Variants in LCOR observed in about 807,000 individuals in gnomAD.
LCOR encodes ligand-dependent corepressor.
A neutral mutation model predicts 64.4 loss-of-function variants in LCOR; 14 were observed. That is an observed-to-expected ratio of 0.22 (90% CI 0.14 to 0.34). The LOEUF (loss-of-function observed/expected upper bound fraction) is 0.34, where lower values mean the gene tolerates loss of function less well. Among genes scored for constraint, LCOR ranks in the 10% least tolerant of loss-of-function variants. The probability of loss-of-function intolerance (pLI) is 1.00; values close to 1 mark genes in which losing one functional copy is unlikely to be tolerated. For missense variants in LCOR, 1,686 were observed against 1,765.3 expected (o/e 0.96, Z 0.80); for synonymous variants, 643 against 642.5 (o/e 1.00, Z -0.01).
rs573147612 is a variant in LCOR at position 96,905,929 on chromosome 10, C to T, written c.-329-1336C>T. Among the ~76,000 whole-genome samples, 24 of 152,208 alleles carry T rather than the reference C, an allele frequency of 1.6e-4. No individual in the cohort carries two copies. In the South Asian group the frequency reaches 4.8e-3, roughly 30 times the overall value. ...TGGCTTAATACCAAGGCAAAGAAAT[C>T]CCTTACATTACCATCTTCTTCTTCT... On this transcript the variant is annotated intron_variant, in intron 2 of 7. Coordinates refer to ENST00000421806, the MANE Select transcript of LCOR (RefSeq NM_001346516.2).
chr10:96,878,845 T>G (rs757961994), intron 2 of LCOR, among the ~76,000 whole-genome samples: 7 of 152,124 alleles, frequency 4.6e-5, no homozygotes, highest in Non-Finnish European at 7.3e-5. Context: ...CAAGCTGTAG[T>G]GCAGCGATGC....
At chr10:96,877,598 ATTTTTTTTTTT>A (rs57119025) in intron 2 of LCOR, among the ~76,000 whole-genome samples, 28 of 65,682 alleles carry the variant, frequency 4.3e-4, no homozygotes, top group African/African-American at 1.3e-3. Context: ...ATTTTTCTGA[ATTTTTTTTTTT>A]TTTTTTTTTT....
chr10:96,914,917 G>A (rs1846911557), intron 4 of LCOR, among the ~76,000 whole-genome samples: 1 of 152,184 alleles, frequency 6.6e-6, no homozygotes, highest in African/African-American at 2.4e-5. Context: ...AATTATTGGG[G>A]GTCAGGTCCC....
In LCOR at chr10:96,934,021, C is replaced by T. The variant is rs956417792; in HGVS notation, c.-183-10092C>T. Reference sequence around the variant, plus strand: ...CATATTTTTCTGCTAAGTGTTTTGTCAGGAAAAAAGTTGTGATGTTCACCT... The same window carrying T: ...CATATTTTTCTGCTAAGTGTTTTGTTAGGAAAAAAGTTGTGATGTTCACCT... On this transcript the variant is annotated intron_variant, in intron 4 of 7. Transcript: ENST00000421806. 3.9e-5 allele frequency among the ~76,000 whole-genome samples: 6 copies of T among 152,156 alleles called. No homozygotes were observed. The East Asian group carries it at 1.2e-3, about 29-fold the overall frequency.
At chr10:96,939,654 C>T (rs1847413599) in intron 4 of LCOR, among the ~76,000 whole-genome samples, 1 of 152,138 alleles carries the variant, frequency 6.6e-6, no homozygotes, top group Non-Finnish European at 1.5e-5. Context: ...AAATGGTAAA[C>T]GACTCAATAA....
chr10:96,916,294 G>A (rs1376352905), intron 4 of LCOR, among the ~76,000 whole-genome samples: 2 of 152,180 alleles, frequency 1.3e-5, no homozygotes, highest in African/African-American at 4.8e-5. Context: ...GCCTCCCAAA[G>A]TGCTGGGATT....
chr10:96,833,237 G>A (rs953946138), intron 1 of LCOR, 169 bp from the exon 2 acceptor site: 1 of 976,492 alleles, frequency 1.0e-6, no homozygotes, highest in Non-Finnish European at 1.2e-6. Flanking sequence ...CGGAGCCGCA[G>A]CCTCGCCCGA....
intron 6 of LCOR, 54 bp from the exon 7 acceptor site, chr10:96,952,047 GTT>G: frequency 7.8e-7 from 1 of 1,283,690 alleles, no homozygotes; most frequent in Non-Finnish European, 1.1e-6. Flanking sequence ...AGCCTATTTA[GTT>G]TACATTTGCT....
intron 7 of LCOR, chr10:96,960,451 A>G (rs1217596292): frequency 2.6e-5 from 4 of 152,152 alleles, no homozygotes; most frequent in African/African-American, 9.7e-5. Context: ...TTTTGCTTTT[A>G]TAATCCTTTC....
chr10:96,874,762 T>G (rs1846135690), intron 2 of LCOR, among the ~76,000 whole-genome samples: 1 of 151,764 alleles, frequency 6.6e-6, no homozygotes, highest in African/African-American at 2.4e-5. Flanking sequence ...CTCAGCCTCC[T>G]GAGTAGCTGG....
At chr10:96,845,196 G>T (rs1845606873) in intron 2 of LCOR, among the ~76,000 whole-genome samples, 1 of 152,072 alleles carries the variant, frequency 6.6e-6, no homozygotes, top group East Asian at 1.9e-4. Context: ...ATGATTACTA[G>T]CAGGCACAGG....
Position 96,933,076 on chromosome 10 carries a change from TAAGA to T in LCOR, c.-183-11030_-183-11027del, listed in dbSNP as rs369398611. On this transcript the variant is annotated intron_variant, in intron 4 of 7. Transcript: ENST00000421806. ...TGTTTTTGAAGAATATGTAACAATG[TAAGA>T]AAGAAAATCCTAATATTAATTGAGG... Among the ~76,000 whole-genome samples the T allele has an allele frequency of 2.2e-4, 34 of 152,350 alleles. No homozygotes were observed. In the East Asian group the frequency reaches 4.2e-3, roughly 19 times the overall value.
intron 7 of LCOR, chr10:96,962,154 A>AT (rs1847891794): frequency 6.6e-6 from 1 of 152,092 alleles, no homozygotes; most frequent in African/African-American, 2.4e-5. Flanking sequence ...AAAGACAATA[A>AT]CATTTTGTAC....
At chr10:96,947,851 C>CA in intron 5 of LCOR, among the ~76,000 whole-genome samples, 1 of 152,034 alleles carries the variant, frequency 6.6e-6, no homozygotes. Context: ...CAGAGGTAAA[C>CA]AAACACATTT....
intron 4 of LCOR, among the ~76,000 whole-genome samples, chr10:96,941,807 C>CG (rs1847487910): frequency 1.6e-5 from 2 of 128,570 alleles, no homozygotes; most frequent in Admixed American, 1.5e-4. Flanking sequence ...CCAGACAGGG[C>CG]GGCGGGGCAG....
chr10:96,916,587 C>CTATATATATATATATATATA (rs71976703), intron 4 of LCOR, among the ~76,000 whole-genome samples: 11 of 138,232 alleles, frequency 8.0e-5, no homozygotes, highest in East Asian at 7.0e-4. Flanking sequence ...TATTTAAAGG[C>CTATATATATATATATATATA]TATATATATA....
chr10:96,900,932 G>T (rs922446140), intron 2 of LCOR, among the ~76,000 whole-genome samples: 1 of 147,600 alleles, frequency 6.8e-6, no homozygotes, highest in Non-Finnish European at 1.5e-5. Flanking sequence ...GCTCACACCT[G>T]TAATCCCAGC....
At chr10:96,873,161 G>A (rs1020182839) in intron 2 of LCOR, among the ~76,000 whole-genome samples, 4 of 152,142 alleles carry the variant, frequency 2.6e-5, no homozygotes, top group Non-Finnish European at 5.9e-5. Flanking sequence ...TATTAATTTT[G>A]ATTCTATTTG....
chr10:96,863,392 C>T (rs375802033), intron 2 of LCOR, among the ~76,000 whole-genome samples: 38 of 143,446 alleles, frequency 2.6e-4, no homozygotes, highest in African/African-American at 7.8e-4. Flanking sequence ...TTAGTAGAGA[C>T]GGGGTTTCAC....
Sources: gnomAD v4.1 joint callset for allele counts (sites outside exome capture counted in the v4.1 genomes callset) on GRCh38, gnomAD v4.1.1 for gene constraint, MANE v1.5 for transcripts, NCBI Gene and HGNC (gene_info 2026-07-23, HGNC 2026-07-21) for gene names.